RBL1: variants seen among roughly 807,000 people sequenced by gnomAD.
The protein encoded by RBL1 is retinoblastoma-like protein 1.
In RBL1, 82 loss-of-function variants were observed where a neutral mutation model predicts 123.0. The observed-to-expected ratio is 0.67, with a 90% confidence interval of 0.56 to 0.80. The LOEUF is 0.80. Ranked by LOEUF, RBL1 falls within the 30% of genes least tolerant of loss-of-function variation. The pLI is 0.00. For synonymous variants in RBL1, 405 were observed against 441.3 expected, an observed-to-expected ratio of 0.92 and a Z score of 1.03; for missense variants, 1,171 against 1,299.6, an observed-to-expected ratio of 0.90 and a Z score of 1.52.
intron 1 of RBL1, among the ~76,000 whole-genome samples, chr20:37,091,501 T>A (rs1416603042): frequency 6.6e-6 from 1 of 151,792 alleles, no homozygotes; most frequent in East Asian, 1.9e-4. Flanking sequence ...GACCCCCGTC[T>A]GTACAAAAAA....
intron 1 of RBL1, among the ~76,000 whole-genome samples, chr20:37,094,216 T>C (rs755990928): frequency 2.6e-5 from 4 of 152,194 alleles, no homozygotes; most frequent in African/African-American, 4.8e-5. Context: ...TGGTGTGACC[T>C]TGGGCAAGAG....
At chr20:37,015,913 C>T (rs930828879) in intron 19 of RBL1, among the ~76,000 whole-genome samples, 8 of 147,882 alleles carry the variant, frequency 5.4e-5, no homozygotes, top group African/African-American at 1.8e-4. Flanking sequence ...TTAGTAGAGA[C>T]GGGTTTCACC....
chr20:37,080,534 CT>C (rs1312247417), intron 2 of RBL1, among the ~76,000 whole-genome samples: 1 of 151,588 alleles, frequency 6.6e-6, no homozygotes, highest in Non-Finnish European at 1.5e-5. Context: ...TCTCGGCTCA[CT>C]ACAACCTCCA....
Position 37,062,023 on chromosome 20 carries a change from T to G in RBL1, c.1083+61A>C. 2.1e-6 allele frequency: 3 copies of G among 1,444,138 alleles called. 1 individual carries two copies. The South Asian group carries it at 4.5e-5, about 21-fold the overall frequency. 89.5% of individuals were successfully genotyped at this position (1,444,138 alleles called of 1,614,324 possible). A position where few individuals can be genotyped will look rare whatever the true frequency, so the allele number is the denominator to read the frequency against. ...ACTTGAAAGATGCTTCTGCTGTTAG[T>G]AGAATCACACACAGAGAGAAAAAGA... On this transcript the variant is annotated intron_variant, in intron 8 of 21. Transcript: ENST00000373664.
intron 7 of RBL1, among the ~76,000 whole-genome samples, chr20:37,062,961 G>A (rs892247403): frequency 6.6e-6 from 1 of 152,042 alleles, no homozygotes; most frequent in African/African-American, 2.4e-5. Flanking sequence ...CAGCCTGGGC[G>A]ACAGAGCGAG....
At chr20:37,092,819 T>C (rs974720835) in intron 1 of RBL1, among the ~76,000 whole-genome samples, 3 of 152,206 alleles carry the variant, frequency 2.0e-5, no homozygotes, top group African/African-American at 7.2e-5. Flanking sequence ...AAAAGTCAAC[T>C]ATTTTATTCC....
At chr20:37,040,540 A>G (rs893322168) in intron 13 of RBL1, among the ~76,000 whole-genome samples, 1 of 151,994 alleles carries the variant, frequency 6.6e-6, no homozygotes, top group Non-Finnish European at 1.5e-5. Context: ...TTTAGGAGAG[A>G]CGAGGTTTCA....
At chr20:37,033,218 C>T (rs961633763) in intron 15 of RBL1, among the ~76,000 whole-genome samples, 4 of 148,206 alleles carry the variant, frequency 2.7e-5, no homozygotes, top group African/African-American at 1.0e-4. Context: ...TGGAGTCTTG[C>T]TCTGTCGCCC....
At chr20:37,063,102 G>C (rs2146297022) in intron 7 of RBL1, among the ~76,000 whole-genome samples, 1 of 152,278 alleles carries the variant, frequency 6.6e-6, no homozygotes, top group East Asian at 1.9e-4. Flanking sequence ...TTTTAAGACA[G>C]AGTCTCACTC....
chr20:37,060,008 A>T (rs564933512), intron 9 of RBL1, among the ~76,000 whole-genome samples: 1 of 152,086 alleles, frequency 6.6e-6, no homozygotes, highest in African/African-American at 2.4e-5. Context: ...CCCTGTCTCT[A>T]CTAAAAATAC....
chr20:37,083,391 C>T (rs1384687251), intron 2 of RBL1, among the ~76,000 whole-genome samples: 3 of 151,778 alleles, frequency 2.0e-5, no homozygotes, highest in Non-Finnish European at 2.9e-5. Context: ...TCACTTGAGC[C>T]CAGAAGGCGG....
chr20:37,027,398 C>T lies in RBL1; in HGVS notation c.2383-4572G>A, dbSNP rs538165800. The stretch of plus-strand genomic sequence containing the variant: ...AATACACTTAAATTTGCCTGTAGAC[C>T]CAGGTACTCGGAGGGTAATGAAAGA... On this transcript the variant is annotated intron_variant, in intron 16 of 21. Transcript: ENST00000373664. 1.1e-4 allele frequency among the ~76,000 whole-genome samples: 16 copies of T among 152,052 alleles called. No homozygotes were observed. The South Asian group carries it at 3.3e-3, about 32-fold the overall frequency.
intron 12 of RBL1, among the ~76,000 whole-genome samples, chr20:37,045,089 T>TTTAC (rs1189217028): frequency 4.3e-5 from 5 of 115,658 alleles, no homozygotes; most frequent in South Asian, 3.1e-4. Flanking sequence ...TACTTATTTA[T>TTTAC]TTATTTATTT....
intron 2 of RBL1, among the ~76,000 whole-genome samples, chr20:37,072,092 C>T (rs903113447): frequency 1.3e-5 from 2 of 152,172 alleles, no homozygotes; most frequent in African/African-American, 4.8e-5. Context: ...AAGATTCTTA[C>T]CAACAGCAGC....
rs745646400 is a variant in RBL1, at chr20:37,056,254, A to G, written c.1255T>C (p.Cys419Arg). Residue 419 changes from cysteine to arginine, a missense_variant, in exon 10 of 22, where the codon TGT becomes CGT. Coordinates refer to ENST00000373664, the MANE Select transcript of RBL1 (RefSeq NM_002895.5). Reference sequence around the variant, plus strand: ...ATGTTTTCCACAGGATTACGCACACAAGATCTACAAAATACAAGAGGAACC... The same window carrying G: ...ATGTTTTCCACAGGATTACGCACACGAGATCTACAAAATACAAGAGGAACC... ...SDQLINIFES[C>R]VRNPVENIMK... 1 of 1,599,964 alleles carries G rather than the reference A, an allele frequency of 6.3e-7. No individual in the cohort carries two copies. Among genetic ancestry groups the G allele is most frequent in the Admixed American group, 1.7e-5 (1 of 57,718 alleles).
intron 2 of RBL1, among the ~76,000 whole-genome samples, chr20:37,072,108 A>G (rs957093089): frequency 6.6e-6 from 1 of 152,180 alleles, no homozygotes; most frequent in Non-Finnish European, 1.5e-5. Flanking sequence ...GCAGCAAAAA[A>G]TTTGTCAGAT....
intron 19 of RBL1, among the ~76,000 whole-genome samples, chr20:37,017,857 G>C (rs949432564): frequency 6.6e-6 from 1 of 151,958 alleles, no homozygotes; most frequent in Admixed American, 6.6e-5. Flanking sequence ...GGATGGCCTT[G>C]ATCTCTTGAA....
chr20:37,062,176 C>T lies in RBL1; in HGVS notation c.991G>A (p.Gly331Arg). The stretch of plus-strand genomic sequence containing the variant: ...TCACGAGTGAACTTTCGAGGTGTTC[C>T]AATTTCCTCTTCTGCGTCTGCTCCC... ...FLGADAEEEI[G>R]TPRKFTRDTP... Residue 331 changes from glycine (G) to arginine (R), a missense_variant, in exon 8 of 22, where the codon GGA (glycine) becomes AGA (arginine). Coordinates refer to ENST00000373664, the MANE Select transcript of RBL1 (RefSeq NM_002895.5). The T allele has an allele frequency of 6.2e-7, 1 of 1,614,150 alleles. No individual in the cohort carries two copies. Among genetic ancestry groups the T allele is most frequent in the South Asian group, 1.1e-5 (1 of 91,076 alleles).
chr20:37,093,848 C>T (rs757004424), intron 1 of RBL1, among the ~76,000 whole-genome samples: 5 of 152,024 alleles, frequency 3.3e-5, no homozygotes, highest in Non-Finnish European at 7.4e-5. Context: ...ACCATGCTGG[C>T]CAGGCTGGTC....
Sources: allele counts gnomAD v4.1 joint callset (sites outside exome capture counted in the v4.1 genomes callset), GRCh38; gene constraint gnomAD v4.1.1; transcripts MANE v1.5; gene names NCBI Gene and HGNC (gene_info 2026-07-23, HGNC 2026-07-21).